The following RNF19A variants were observed in gnomAD, a reference collection of about 807,000 sequenced individuals.
The protein encoded by RNF19A is ring finger protein 19A, RBR E3 ubiquitin protein ligase.
RNF19A carries 32 observed loss-of-function variants against 75.7 expected under a neutral mutation model. The ratio of observed to expected loss-of-function variants is 0.42; its 90% CI spans 0.32 to 0.57. RNF19A has a LOEUF of 0.57. RNF19A is among the 20% of genes least tolerant of loss of function. The pLI is 0.10. For missense variants in RNF19A, 782 were observed against 1,036.3 expected (o/e 0.75, Z 3.37); for synonymous variants, 335 against 345.2 (o/e 0.97, Z 0.33).
intron 2 of RNF19A, among the ~76,000 whole-genome samples, chr8:100,278,319 ATG>A (rs1240792988): frequency 6.6e-6 from 1 of 152,250 alleles, no homozygotes; most frequent in Admixed American, 6.5e-5. Flanking sequence ...AATATAAATA[ATG>A]TGTTATTAGG....
intron 1 of RNF19A, chr8:100,309,299 T>C: frequency 2.0e-6 from 2 of 985,326 alleles, no homozygotes; most frequent in Non-Finnish European, 2.4e-6. Context: ...CGGACTAACC[T>C]TCCTCCGAAC....
rs556487736 is a variant in RNF19A, at chr8:100,334,551, G to C, written c.-243+1557C>G. ...GCTGCACATTATAAGTATCTGGGGA[G>C]CTTTAAAAAATATGGCTGCTCACCT... On this transcript the variant is annotated intron_variant, in intron 1 of 3. Transcript: ENST00000519527. Among the ~76,000 whole-genome samples the C allele has an allele frequency of 1.0e-3, 156 of 152,152 alleles. 1 individual carries two copies. The highest frequency in any genetic ancestry group is 1.7e-3 in the Non-Finnish European group (115 of 68,018).
At chr8:100,267,852 ATTT>A (rs1229623940) in intron 5 of RNF19A, among the ~76,000 whole-genome samples, 1 of 150,802 alleles carries the variant, frequency 6.6e-6, no homozygotes, top group Non-Finnish European at 1.5e-5. Context: ...TTTTTTCTGT[ATTT>A]TTAGTAGAGA....
At chr8:100,327,003 G>A (rs1822542256) in intron 1 of RNF19A, among the ~76,000 whole-genome samples, 1 of 152,196 alleles carries the variant, frequency 6.6e-6, no homozygotes, top group Non-Finnish European at 1.5e-5. Context: ...CTGATTAACA[G>A]TTCCTCAGCA....
At chr8:100,311,735 A>G (rs866343620), upstream of RNF19A, among the ~76,000 whole-genome samples, 236 of 139,714 alleles carry the variant, frequency 1.7e-3, 1 homozygote, top group African/African-American at 4.9e-3. Flanking sequence ...AAAAAAAAAA[A>G]AAAAGAAAAG....
At chr8:100,304,307 T>C (rs970897320) in intron 1 of RNF19A, among the ~76,000 whole-genome samples, 7 of 152,174 alleles carry the variant, frequency 4.6e-5, no homozygotes, top group Non-Finnish European at 1.0e-4. Flanking sequence ...GAGAAATCTA[T>C]TTGATATGGC....
chr8:100,306,011 G>A (rs1022194914), intron 1 of RNF19A, among the ~76,000 whole-genome samples: 7 of 152,088 alleles, frequency 4.6e-5, no homozygotes, highest in African/African-American at 1.7e-4. Context: ...AGCTTCTCCT[G>A]GTTTCTTGCT....
chr8:100,287,572 G>A lies in RNF19A; in HGVS notation c.603C>T (p.Tyr201=), dbSNP rs568403328. The A allele has an allele frequency of 1.4e-5, 23 of 1,614,062 alleles. No homozygotes were observed. Among genetic ancestry groups the A allele is most frequent in the East Asian group, 6.7e-5 (3 of 44,876 alleles). Residue 201 remains tyrosine (Y), a synonymous_variant, in exon 2 of 10, where the codon TAC becomes TAT. Transcript: ENST00000341084. The surrounding 1 kb of genome is among the most constrained non-coding windows in gnomAD (Gnocchi z 4.1). The part of the protein sequence containing the change: ...ILSDDVLMEK[Y]EEFMLRRWLV... ...GCCACCGTCTAAGCATAAATTCTTC[G>A]TATTTTTCCATCAAGACATCATCAC...
intron 3 of RNF19A, among the ~76,000 whole-genome samples, chr8:100,274,456 G>A (rs745775734): frequency 1.3e-5 from 2 of 152,124 alleles, no homozygotes; most frequent in Non-Finnish European, 2.9e-5. Flanking sequence ...TGTTACAAAA[G>A]TATTAAATGT....
intron 1 of RNF19A, among the ~76,000 whole-genome samples, chr8:100,318,120 T>C (rs1350240378): frequency 6.6e-6 from 1 of 152,246 alleles, no homozygotes; most frequent in East Asian, 1.9e-4. Flanking sequence ...AACTTGTTGC[T>C]ATATTTACTC....
chr8:100,292,432 ATGGGTGTGTGTGTGTGTG>A (rs1315524084), intron 1 of RNF19A, among the ~76,000 whole-genome samples: 1 of 109,412 alleles, frequency 9.1e-6, no homozygotes, highest in Non-Finnish European at 1.7e-5. Flanking sequence ...TTGCTATCAT[ATGGGTGTGTGTGTGTGTG>A]TGTGTGTGTG....
rs1822405557 is a variant in RNF19A at position 100,317,796 on chromosome 8, A to T, written c.-242-4424T>A. 6.6e-6 allele frequency among the ~76,000 whole-genome samples: 1 copy of T among 152,238 alleles called. No homozygotes were observed. The highest frequency in any genetic ancestry group is 6.5e-5 in the Admixed American group (1 of 15,288). On this transcript the variant is annotated intron_variant, in intron 1 of 3. Coordinates refer to the RNF19A transcript ENST00000519527. This position sits in a 1 kb window ranked among gnomAD's most constrained non-coding sequence, Gnocchi z 4.3. ...TGATGAGCAATGACTTAGAGTGACCATATGTGGCAGCTTGCTCAGGACACT... is the reference window on the plus strand; with the variant it reads ...TGATGAGCAATGACTTAGAGTGACCTTATGTGGCAGCTTGCTCAGGACACT...
chr8:100,264,611 T>C lies in RNF19A; in HGVS notation c.1306+60A>G, dbSNP rs981266531. The C allele has an allele frequency of 3.6e-5, 40 of 1,103,372 alleles. No individual in the cohort carries two copies. The highest frequency in any genetic ancestry group is 5.0e-5 in the Non-Finnish European group (37 of 744,312). The allele number at this position is 1,103,372 out of a possible 1,614,324, so 68.3% of individuals were successfully genotyped here. On this transcript the variant is annotated intron_variant, in intron 6 of 9. Coordinates refer to ENST00000341084, the MANE Select transcript of RNF19A (RefSeq NM_183419.4). This position sits in a 1 kb window ranked among gnomAD's most constrained non-coding sequence, Gnocchi z 4.7. ...TTAAAAAACAATTAAAAAAAATCCT[T>C]CCACAAAACTTTAACTCCATAAAAT...
rs921418938 is a variant in RNF19A at position 100,275,389 on chromosome 8, G to GT, written c.675-229dup. 2.2e-3 allele frequency among the ~76,000 whole-genome samples: 325 copies of GT among 145,994 alleles called. No homozygotes were observed. Among genetic ancestry groups the GT allele is most frequent in the African/African-American group, 7.5e-3 (299 of 39,948 alleles). The stretch of plus-strand genomic sequence containing the variant: ...AAAAGTTCAATTTTTAACTTTCAGG[G>GT]TTTTTTTTTTAGGTTCAGGGTTTTT... On this transcript the variant is annotated intron_variant, in intron 2 of 9. Coordinates refer to ENST00000341084, the MANE Select transcript of RNF19A (RefSeq NM_183419.4). This position sits in a 1 kb window ranked among gnomAD's most constrained non-coding sequence, Gnocchi z 4.3.
In RNF19A at chr8:100,308,304, G is replaced by A. The variant is rs369240999; in HGVS notation, c.-94+1563C>T. ...TTTAAAAAAAGAGAACATTAAGCAG[G>A]GCATTAAACTAACAAATTTTAAAAG... is the stretch of plus-strand genomic sequence containing the variant. On this transcript the variant is annotated intron_variant, in intron 1 of 9. Coordinates refer to ENST00000341084, the MANE Select transcript of RNF19A (RefSeq NM_183419.4). Among the ~76,000 whole-genome samples, 5 of 152,014 alleles carry A rather than the reference G, an allele frequency of 3.3e-5. No homozygotes were observed. The South Asian group carries it at 6.2e-4, about 19-fold the overall frequency.
At chr8:100,276,723 CAAA>C (rs60419107) in intron 2 of RNF19A, among the ~76,000 whole-genome samples, 7 of 80,582 alleles carry the variant, frequency 8.7e-5, no homozygotes, top group Non-Finnish European at 1.4e-4. Flanking sequence ...ACCACTGTAC[CAAA>C]AAAAAAAAAA....
At chr8:100,277,969 C>T (rs1045660652) in intron 2 of RNF19A, among the ~76,000 whole-genome samples, 6 of 152,302 alleles carry the variant, frequency 3.9e-5, no homozygotes, top group African/African-American at 1.4e-4. Flanking sequence ...ATGCAGGAGA[C>T]AATGCCAAAA....
In RNF19A at chr8:100,324,501, G is replaced by C. The variant is rs907468087; in HGVS notation, c.-242-11129C>G. Among the ~76,000 whole-genome samples, 2 of 152,068 alleles carry C rather than the reference G, an allele frequency of 1.3e-5. No individual in the cohort carries two copies. Among genetic ancestry groups the C allele is most frequent in the African/African-American group, 4.8e-5 (2 of 41,406 alleles). ...TCCCTTGAAATACTACATTTTAAAGGCTAAGGAAATCTGGAGGAGAGTGGA... is the reference window on the plus strand; with the variant it reads ...TCCCTTGAAATACTACATTTTAAAGCCTAAGGAAATCTGGAGGAGAGTGGA... On this transcript the variant is annotated intron_variant, in intron 1 of 3. Coordinates refer to the RNF19A transcript ENST00000519527. This position sits in a 1 kb window ranked among gnomAD's most constrained non-coding sequence, Gnocchi z 4.2.
At chr8:100,274,745 C>A (rs1563842093) in intron 3 of RNF19A, among the ~76,000 whole-genome samples, 1 of 152,166 alleles carries the variant, frequency 6.6e-6, no homozygotes, top group South Asian at 2.1e-4. Context: ...TAAATCATCA[C>A]AACACTTCCT....
Sources: gnomAD v4.1 joint callset for allele counts (sites outside exome capture counted in the v4.1 genomes callset) on GRCh38, gnomAD v4.1.1 for gene constraint, Gnocchi (gnomAD v3.1) non-coding constraint, MANE v1.5 for transcripts, NCBI Gene and HGNC (gene_info 2026-07-23, HGNC 2026-07-21) for gene names.